ATG9B: variants seen among roughly 807,000 people sequenced by gnomAD.
The protein encoded by ATG9B is autophagy-related protein 9B.
ATG9B carries 92 observed loss-of-function variants against 92.9 expected under a neutral mutation model. That is an observed-to-expected ratio of 0.99 (90% confidence interval 0.84 to 1.18). The LOEUF (loss-of-function observed/expected upper bound fraction) is 1.18. Among genes scored for constraint, ATG9B ranks in the 50% most tolerant of loss-of-function variants. ATG9B has a pLI of 0.00. For synonymous variants in ATG9B, 599 were observed against 551.4 expected (o/e 1.09, Z -1.21); for missense variants, 1,344 against 1,235.0 (o/e 1.09, Z -1.32).
chr7:151,017,257 G>C lies in ATG9B; in HGVS notation c.2068C>G (p.Gln690Glu). 1 of 1,593,290 alleles carries C rather than the reference G, an allele frequency of 6.3e-7. No individual in the cohort carries two copies. The highest frequency in any genetic ancestry group is 8.6e-7 in the Non-Finnish European group (1 of 1,167,372). ...CGCTGAGACAGCGAGGCCTCAGTCT[G>C]TCCCGCCGAGAGCCACTGTGAGCAA... ...HGHPQWLSAG[Q>E]TEASLSQRAE... is the part of the protein sequence containing the mutation. The change falls in exon 9 of 14, where the codon CAG (glutamine) becomes GAG (glutamate). Residue 690 changes from glutamine (Q) to glutamate (E), a missense_variant. Physicochemically the swap from Gln to Glu is conservative, Grantham distance 29. Coordinates refer to ENST00000639579, the MANE Select transcript of ATG9B (RefSeq NM_001317056.2).
At chr7:151,023,266 T>C in intron 3 of ATG9B, 60 bp from the exon 4 acceptor site, 1 of 1,610,998 alleles carries the variant, frequency 6.2e-7, no homozygotes, top group Non-Finnish European at 8.5e-7. Context: ...CCAGGTGGGC[T>C]CCTGCCCCAG....
downstream of ATG9B, chr7:151,013,189 T>G (rs1795344299): frequency 6.3e-7 from 1 of 1,588,524 alleles, no homozygotes; most frequent in African/African-American, 1.3e-5. Flanking sequence ...ACTAGCACTG[T>G]GCCCCGGAGA....
Position 151,017,995 on chromosome 7 carries a change from A to G in ATG9B, c.1928T>C (p.Phe643Ser). The G allele has an allele frequency of 6.2e-7, 1 of 1,604,722 alleles. No individual in the cohort carries two copies. The highest frequency in any genetic ancestry group is 8.5e-7 in the Non-Finnish European group (1 of 1,175,312). Reference protein sequence around the residue: ...SPLLTPLFLLFWFRPRALEII... With the variant: ...SPLLTPLFLLSWFRPRALEII... ...CTCCAGGGCACGAGGGCGGAACCAG[A>G]AAAGCAGAAACAGCGGGGTGAGGAG... Residue 643 changes from phenylalanine to serine, a missense_variant, in exon 8 of 14, where the codon TTC becomes TCC. Physicochemically the swap from Phe to Ser is radical, Grantham distance 155. Transcript: ENST00000639579.
downstream of ATG9B, chr7:151,013,692 C>T: frequency 6.6e-7 from 1 of 1,526,584 alleles, no homozygotes; most frequent in Non-Finnish European, 8.8e-7. Flanking sequence ...CCCACCCCCA[C>T]CAGGGCCCGC....
intron 10 of ATG9B, 30 bp downstream of exon 10, chr7:151,016,658 T>C: frequency 1.4e-6 from 2 of 1,467,846 alleles, no homozygotes; most frequent in African/African-American, 2.8e-5. Context: ...CCCCTCCACA[T>C]GCCCCTGCAT....
chr7:151,021,496 CA>C (rs1795746827), intron 4 of ATG9B, among the ~76,000 whole-genome samples, 167 bp from the exon 5 acceptor site: 1 of 152,274 alleles, frequency 6.6e-6, no homozygotes, highest in Non-Finnish European at 1.5e-5. Flanking sequence ...GTGGCCTTCA[CA>C]AATGTGCAAA....
At chr7:151,015,770 C>T (rs1795452288) in intron 13 of ATG9B, 57 bp from the exon 14 acceptor site, 1 of 1,378,878 alleles carries the variant, frequency 7.3e-7, no homozygotes, top group Non-Finnish European at 9.6e-7. Context: ...CCAGAGATGA[C>T]CACCTCCCAT....
rs3918215 is a variant in ATG9B at position 151,015,576 on chromosome 7, G to A, written c.*152C>T. 467 of 258,438 alleles carry A rather than the reference G, an allele frequency of 1.8e-3. 3 individuals are homozygous for A. Among genetic ancestry groups the A allele is most frequent in the African/African-American group, 9.3e-3 (419 of 44,986 alleles). 16.0% of individuals were successfully genotyped at this position (258,438 alleles called of 1,614,324 possible). ...CCTTGCCTACCTTTTCTCTGTTCTC[G>A]GGGCGAGTTCCTCACTGACTCCCAG... On this transcript the variant is annotated 3_prime_UTR_variant, in exon 14 of 14. Coordinates refer to ENST00000639579, the MANE Select transcript of ATG9B (RefSeq NM_001317056.2).
intron 4 of ATG9B, among the ~76,000 whole-genome samples, chr7:151,021,991 C>CTT (rs1407903360): frequency 7.7e-6 from 1 of 130,190 alleles, no homozygotes; most frequent in African/African-American, 3.0e-5. Context: ...CAATTTCCTT[C>CTT]TTTTTTTTTT....
Position 151,018,118 on chromosome 7 carries a change from A to G in ATG9B, c.1873-68T>C. On this transcript the variant is annotated intron_variant, in intron 7 of 13. Coordinates refer to ENST00000639579, the MANE Select transcript of ATG9B (RefSeq NM_001317056.2). This position sits in a 1 kb window ranked among gnomAD's most constrained non-coding sequence, Gnocchi z 4.7. The stretch of plus-strand genomic sequence containing the variant: ...CCCACGCGCGTTATCAGGACCAAGC[A>G]GTCCCCAGCGACCCTCGCCAGGGCA... 1 of 1,494,534 alleles carries G rather than the reference A, an allele frequency of 6.7e-7. No homozygotes were observed. The highest frequency in any genetic ancestry group is 8.9e-7 in the Non-Finnish European group (1 of 1,119,922). 92.6% of individuals were successfully genotyped at this position (1,494,534 alleles called of 1,614,324 possible).
chr7:151,013,159 G>A (rs1279964854), downstream of ATG9B: 4 of 1,511,842 alleles, frequency 2.6e-6, no homozygotes, highest in African/African-American at 2.8e-5. Context: ...CTGGGCGACG[G>A]TGGCCTGTGG....
chr7:151,016,899 C>T, intron 9 of ATG9B, 78 bp from the exon 10 acceptor site: 8 of 1,542,062 alleles, frequency 5.2e-6, no homozygotes, highest in South Asian at 3.7e-5. Context: ...GAAGCAGAGG[C>T]CTAAAGAAGG....
At chr7:151,014,422 G>A (rs2117145252), downstream of ATG9B, 2 of 472,310 alleles carry the variant, frequency 4.2e-6, no homozygotes, top group South Asian at 8.3e-5. Context: ...AGGGCCTACT[G>A]CCACCCGCTT....
intron 12 of ATG9B, 40 bp from the exon 13 acceptor site, chr7:151,016,063 C>T (rs1795467271): frequency 1.9e-6 from 3 of 1,547,970 alleles, no homozygotes; most frequent in Non-Finnish European, 2.6e-6. Context: ...TCCATGATGC[C>T]CAGTGTCCAC....
chr7:151,013,925 A>C, downstream of ATG9B: 1 of 1,598,780 alleles, frequency 6.3e-7, no homozygotes, highest in Non-Finnish European at 8.5e-7. Flanking sequence ...GCGGGTGCGG[A>C]GGGGCGGGCC....
intron 5 of ATG9B, 200 bp downstream of exon 5, chr7:151,020,988 C>A: frequency 1.7e-6 from 1 of 594,420 alleles, no homozygotes; most frequent in South Asian, 2.1e-5. Context: ...ACTAAACTCC[C>A]TTAGGGTAAG....
At position 151,016,998 on chromosome 7, in the gene ATG9B, G is replaced by C. The variant is rs1440684056; in HGVS notation, c.2289+38C>G. The C allele has an allele frequency of 4.5e-6, 7 of 1,551,606 alleles. No individual in the cohort carries two copies. The Admixed American group carries it at 1.3e-4, about 30-fold the overall frequency. ...GGAAGGGTTTGGAGAGGAGTTGTGG[G>C]GGTGAAGGCAGAAGGGGAGGCCAGG... On this transcript the variant is annotated intron_variant, in intron 9 of 13. Coordinates refer to ENST00000639579, the MANE Select transcript of ATG9B (RefSeq NM_001317056.2).
chr7:151,022,089 C>T (rs765648262), intron 4 of ATG9B, among the ~76,000 whole-genome samples: 4 of 148,276 alleles, frequency 2.7e-5, no homozygotes, highest in Admixed American at 1.3e-4. Flanking sequence ...TGCCAAATAA[C>T]GGCCCAGGTC....
At chr7:151,013,966 T>G, downstream of ATG9B, 1 of 1,606,408 alleles carries the variant, frequency 6.2e-7, no homozygotes, top group Non-Finnish European at 8.5e-7. Flanking sequence ...CCTGCTAAGG[T>G]CTCCGAGTCG....
Sources: gnomAD v4.1 joint callset for allele counts (sites outside exome capture counted in the v4.1 genomes callset) on GRCh38, gnomAD v4.1.1 for gene constraint, Gnocchi (gnomAD v3.1) non-coding constraint, MANE v1.5 for transcripts, NCBI Gene and HGNC (gene_info 2026-07-23, HGNC 2026-07-21) for gene names.